CACNA1E: variants seen among roughly 807,000 people sequenced by gnomAD.
CACNA1E encodes the protein voltage-dependent R-type calcium channel subunit alpha-1E.
In CACNA1E, 40 loss-of-function variants were observed where a neutral mutation model predicts 259.2. The observed-to-expected ratio is 0.15, with a 90% confidence interval of 0.12 to 0.20. CACNA1E has a LOEUF of 0.20. CACNA1E is among the 10% of genes least tolerant of loss of function. The probability of loss-of-function intolerance (pLI) is 1.00; values close to 1 mark genes in which losing one functional copy is unlikely to be tolerated. For synonymous variants in CACNA1E, 1,104 were observed against 1,138.5 expected (o/e 0.97, Z 0.61); for missense variants, 1,874 against 3,040.1 (o/e 0.62, Z 9.02).
At chr1:181,760,039 G>A (rs1162599028) in intron 32 of CACNA1E, among the ~76,000 whole-genome samples, 1 of 152,202 alleles carries the variant, frequency 6.6e-6, no homozygotes, top group African/African-American at 2.4e-5. Context: ...CAACAAAGAT[G>A]CCTTTATAAT....
rs1663716570 is a variant in CACNA1E, at chr1:181,485,395, G to A, written c.266+1385G>A. ...CTCAGCAGCTCGGTGATTGGCTGGC[G>A]CGTGGTGCTTCTAGGCAGCACCCCC... On this transcript the variant is annotated intron_variant, in intron 1 of 47. Coordinates refer to ENST00000367573, the MANE Select transcript of CACNA1E (RefSeq NM_001205293.3). The surrounding 1 kb of genome is among the most constrained non-coding windows in gnomAD (Gnocchi z 4.2). 6.6e-6 allele frequency among the ~76,000 whole-genome samples: 1 copy of A among 152,056 alleles called. No individual in the cohort carries two copies. The highest frequency in any genetic ancestry group is 2.1e-4 in the South Asian group (1 of 4,828).
intron 15 of CACNA1E, 49 bp downstream of exon 15, chr1:181,720,904 C>T: frequency 3.5e-6 from 4 of 1,132,332 alleles, no homozygotes; most frequent in Non-Finnish European, 5.3e-6. Context: ...GTCCCTTGGA[C>T]TGCACACTGC....
At chr1:181,722,531 T>C (rs1654504439) in intron 16 of CACNA1E, among the ~76,000 whole-genome samples, 1 of 152,234 alleles carries the variant, frequency 6.6e-6, no homozygotes, top group African/African-American at 2.4e-5. Context: ...AGCAACTCTG[T>C]GTATCAGCTG....
At chr1:181,781,805 G>GT (rs1044652840) in intron 39 of CACNA1E, among the ~76,000 whole-genome samples, 1 of 152,204 alleles carries the variant, frequency 6.6e-6, no homozygotes, top group African/African-American at 2.4e-5. Context: ...CTGACAAGCA[G>GT]TGTTAAGTGG....
At chr1:181,478,962 G>C (rs73050068), upstream of CACNA1E, among the ~76,000 whole-genome samples, 292 of 152,342 alleles carry the variant, frequency 1.9e-3, 2 homozygotes, top group African/African-American at 6.8e-3. Flanking sequence ...GCAGCTCGAT[G>C]ATACACTGCA....
intron 6 of CACNA1E, among the ~76,000 whole-genome samples, chr1:181,612,351 G>A (rs1452687052): frequency 6.6e-6 from 1 of 152,208 alleles, no homozygotes; most frequent in Non-Finnish European, 1.5e-5. Context: ...CTTCCCAGGA[G>A]GCTTGCCTGT....
chr1:181,427,294 C>T (rs1176180949), intron 2 of CACNA1E, among the ~76,000 whole-genome samples: 1 of 150,912 alleles, frequency 6.6e-6, no homozygotes, highest in African/African-American at 2.4e-5. Flanking sequence ...TCACTCATCT[C>T]AACTCCTTCC....
intron 34 of CACNA1E, among the ~76,000 whole-genome samples, chr1:181,766,113 G>A (rs999949898): frequency 6.6e-6 from 1 of 152,140 alleles, no homozygotes; most frequent in Admixed American, 6.5e-5. Flanking sequence ...CTTCATTATG[G>A]GTGCCACTTT....
chr1:181,449,948 C>G (rs1661043730), intron 2 of CACNA1E, among the ~76,000 whole-genome samples: 1 of 152,134 alleles, frequency 6.6e-6, no homozygotes, highest in Non-Finnish European at 1.5e-5. Flanking sequence ...TGTTTTCACA[C>G]TGCTATAAAG....
Position 181,648,818 on chromosome 1 carries a change from A to G in CACNA1E, c.952-2520A>G, listed in dbSNP as rs577052807. Among the ~76,000 whole-genome samples the G allele has an allele frequency of 3.2e-3, 495 of 152,316 alleles. 5 individuals are homozygous for G. Among genetic ancestry groups the G allele is most frequent in the African/African-American group, 0.012 (486 of 41,564 alleles). ...ATCATTGCTATTGCTGATACCTGCT[A>G]ATGTTTGTTGGCAACAAAGTCCTAT... On this transcript the variant is annotated intron_variant, in intron 6 of 47. Coordinates refer to ENST00000367573, the MANE Select transcript of CACNA1E (RefSeq NM_001205293.3).
In CACNA1E at chr1:181,668,112, A is replaced by G. The variant is rs148827010; in HGVS notation, c.1055+16671A>G. ...GCATAACCACTGCCACAATCAAGAT[A>G]CAGAACTGTCCTATCACCATAAGAC... On this transcript the variant is annotated intron_variant, in intron 7 of 47. Transcript: ENST00000367573. 3.7e-3 allele frequency among the ~76,000 whole-genome samples: 558 copies of G among 152,312 alleles called. 3 individuals carry two copies. Among genetic ancestry groups the G allele is most frequent in the African/African-American group, 0.013 (531 of 41,580 alleles).
At chr1:181,416,341 A>C (rs1303619297) in intron 2 of CACNA1E, among the ~76,000 whole-genome samples, 1 of 152,124 alleles carries the variant, frequency 6.6e-6, no homozygotes, top group Non-Finnish European at 1.5e-5. Context: ...TTCTTTTCTT[A>C]TCTGCCATTC....
chr1:181,797,596 G>A (rs1413096984), intron 47 of CACNA1E, among the ~76,000 whole-genome samples: 1 of 152,120 alleles, frequency 6.6e-6, no homozygotes, highest in Admixed American at 6.5e-5. Context: ...CACATTCCTG[G>A]TGCCTGAAGG....
chr1:181,590,535 C>T (rs1007395527), intron 6 of CACNA1E, among the ~76,000 whole-genome samples: 2 of 151,952 alleles, frequency 1.3e-5, no homozygotes, highest in African/African-American at 4.8e-5. Flanking sequence ...AAAGAAGCCA[C>T]AGTGACAGGA....
chr1:181,553,343 C>T (rs976919761), intron 3 of CACNA1E, among the ~76,000 whole-genome samples: 2 of 152,086 alleles, frequency 1.3e-5, no homozygotes, highest in Non-Finnish European at 2.9e-5. Context: ...GATTTTTGCA[C>T]ATTGATTTTG....
chr1:181,771,193 A>G, intron 35 of CACNA1E, 100 bp from the exon 36 acceptor site: 4 of 666,206 alleles, frequency 6.0e-6, no homozygotes, highest in Non-Finnish European at 1.1e-5. Context: ...GGGGTAGGTC[A>G]TCGGGAAGAG....
intron 1 of CACNA1E, among the ~76,000 whole-genome samples, chr1:181,498,391 A>G (rs1664958419): frequency 6.6e-6 from 1 of 152,160 alleles, no homozygotes; most frequent in African/African-American, 2.4e-5. Flanking sequence ...CTGCTAGCGA[A>G]TCCAACTGGT....
intron 3 of CACNA1E, among the ~76,000 whole-genome samples, chr1:181,537,095 CTT>C (rs201514362): frequency 0.26 from 28,250 of 109,296 alleles, 2,748 homozygotes; most frequent in African/African-American, 0.34. Context: ...TTTTTCTTTT[CTT>C]TTTTTTTTTT....
intron 3 of CACNA1E, among the ~76,000 whole-genome samples, chr1:181,544,546 G>A (rs540284906): frequency 7.9e-5 from 12 of 152,314 alleles, no homozygotes; most frequent in South Asian, 4.1e-4. Flanking sequence ...TGCAGTATAC[G>A]TTTTAACTTT....
Sources: gnomAD v4.1 joint callset for allele counts (sites outside exome capture counted in the v4.1 genomes callset) on GRCh38, gnomAD v4.1.1 for gene constraint, Gnocchi (gnomAD v3.1) non-coding constraint, MANE v1.5 for transcripts, NCBI Gene and HGNC (gene_info 2026-07-23, HGNC 2026-07-21) for gene names.